The following AGBL1 variants were observed in gnomAD, a reference collection of about 807,000 sequenced individuals.
AGBL1 encodes the protein cytosolic carboxypeptidase 4.
AGBL1 carries 130 observed loss-of-function variants against 118.9 expected under a neutral mutation model. That is an observed-to-expected ratio of 1.09 (90% CI 0.95 to 1.26). AGBL1 has a LOEUF of 1.26. AGBL1 is among the 50% of genes most tolerant of loss of function. The pLI is 0.00. For synonymous variants in AGBL1, 555 were observed against 478.9 expected, an observed-to-expected ratio of 1.16 and a Z score of -2.08; for missense variants, 1,584 against 1,298.1, an observed-to-expected ratio of 1.22 and a Z score of -3.38.
intron 24 of AGBL1, among the ~76,000 whole-genome samples, chr15:87,014,079 ATTTC>A: frequency 6.6e-6 from 1 of 152,300 alleles, no homozygotes; most frequent in South Asian, 2.1e-4. Context: ...GACACTTATT[ATTTC>A]TTGTATTAAT....
chr15:86,264,433 C>T lies in AGBL1; in HGVS notation c.1262C>T (p.Thr421Met), dbSNP rs370356818. Residue 421 changes from threonine to methionine, a missense_variant, in exon 11 of 23, where the codon ACG becomes ATG. Physicochemically the swap from Thr to Met is moderately conservative, Grantham distance 81. Transcript: ENST00000614907. ...VQTSLLCRVK[T>M]GRSTVHLGSK... is the part of the protein sequence containing the mutation. ...ACTTCCCTTCTGTGCAGGGTGAAGA[C>T]GGGAAGGTCCACTGTGCATCTAGGC... 3.4e-5 allele frequency: 55 copies of T among 1,613,818 alleles called. No individual in the cohort carries two copies. The South Asian group carries it at 4.7e-4, about 14-fold the overall frequency.
At chr15:86,591,248 A>G (rs1210416931) in intron 21 of AGBL1, among the ~76,000 whole-genome samples, 1 of 152,216 alleles carries the variant, frequency 6.6e-6, no homozygotes, top group Non-Finnish European at 1.5e-5. Flanking sequence ...CCAACACAAC[A>G]ATCAATGCAA....
chr15:86,369,209 A>G (rs1024785919), intron 17 of AGBL1, among the ~76,000 whole-genome samples: 8 of 152,220 alleles, frequency 5.3e-5, no homozygotes, highest in Non-Finnish European at 1.5e-5. Flanking sequence ...ATGAGAAATT[A>G]CAGAAAGGAC....
chr15:86,331,862 A>G (rs545909843), intron 17 of AGBL1, among the ~76,000 whole-genome samples: 14 of 152,364 alleles, frequency 9.2e-5, no homozygotes, highest in Middle Eastern at 3.4e-3. Flanking sequence ...ACATAGCCCA[A>G]AGACCCTATA....
intron 9 of AGBL1, among the ~76,000 whole-genome samples, chr15:86,259,953 G>A (rs1475431503): frequency 2.6e-5 from 4 of 152,256 alleles, no homozygotes; most frequent in African/African-American, 9.6e-5. Context: ...TGCAGAGGAT[G>A]GAGGGGTGGG....
chr15:86,115,435 T>C (rs1482336118), intron 1 of AGBL1, among the ~76,000 whole-genome samples: 1 of 152,222 alleles, frequency 6.6e-6, no homozygotes, highest in Non-Finnish European at 1.5e-5. Context: ...AAAAAAATTA[T>C]CTGTTCTCTG....
chr15:86,972,909 A>G (rs762314463), intron 23 of AGBL1, among the ~76,000 whole-genome samples: 1 of 152,038 alleles, frequency 6.6e-6, no homozygotes, highest in East Asian at 1.9e-4. Flanking sequence ...CTTCACCCAG[A>G]ATCAAATTTC....
chr15:86,283,278 A>G (rs1268842490), intron 16 of AGBL1, among the ~76,000 whole-genome samples: 2 of 152,260 alleles, frequency 1.3e-5, no homozygotes, highest in East Asian at 3.9e-4. Flanking sequence ...TTTCTGATGA[A>G]TATTTTAGGA....
At chr15:86,383,247 T>C (rs1164702328) in intron 17 of AGBL1, among the ~76,000 whole-genome samples, 1 of 54,478 alleles carries the variant, frequency 1.8e-5, no homozygotes. Context: ...ATTCAGTATG[T>C]AAAAAAAAAA....
chr15:86,579,575 G>A (rs1409404114), intron 21 of AGBL1, among the ~76,000 whole-genome samples: 1 of 152,150 alleles, frequency 6.6e-6, no homozygotes, highest in African/African-American at 2.4e-5. Flanking sequence ...AATTGTAGCA[G>A]AAGTAAGCAA....
In AGBL1 at chr15:86,474,063, G is replaced by C. The variant is rs191616082; in HGVS notation, c.2556-48747G>C. ...TAATGAGTAGATTTTGGCTGATTTTGACACACACAAAAAATGAGTAACTAG... is the reference window on the plus strand; with the variant it reads ...TAATGAGTAGATTTTGGCTGATTTTCACACACACAAAAAATGAGTAACTAG... On this transcript the variant is annotated intron_variant, in intron 18 of 22. Coordinates refer to ENST00000614907, the MANE Select transcript of AGBL1 (RefSeq NM_001386094.1). 4.1e-3 allele frequency among the ~76,000 whole-genome samples: 619 copies of C among 152,188 alleles called. 21 individuals carry two copies. Among genetic ancestry groups the C allele is most frequent in the Non-Finnish European group, 9.6e-4 (65 of 67,992 alleles).
chr15:86,285,016 A>G (rs1217907241), intron 16 of AGBL1, among the ~76,000 whole-genome samples: 3 of 152,134 alleles, frequency 2.0e-5, no homozygotes, highest in Non-Finnish European at 2.9e-5. Flanking sequence ...AATTACAGTC[A>G]GTTGGCACAT....
intron 22 of AGBL1, among the ~76,000 whole-genome samples, chr15:86,809,115 A>T (rs79571415): frequency 2.6e-5 from 4 of 152,162 alleles, no homozygotes; most frequent in Admixed American, 2.6e-4. Context: ...GATTAGAAAA[A>T]TATAACAGAC....
intron 22 of AGBL1, among the ~76,000 whole-genome samples, chr15:86,830,574 A>C (rs185237270): frequency 6.6e-6 from 1 of 152,206 alleles, no homozygotes; most frequent in East Asian, 1.9e-4. Flanking sequence ...GGCTACACAA[A>C]AACTCAACAG....
chr15:86,461,964 C>CT (rs1459785606), intron 18 of AGBL1, among the ~76,000 whole-genome samples: 1 of 152,208 alleles, frequency 6.6e-6, no homozygotes, highest in East Asian at 1.9e-4. Context: ...CATACAACCC[C>CT]TCCCTGCCTC....
intron 21 of AGBL1, among the ~76,000 whole-genome samples, chr15:86,620,913 T>G (rs2084793512): frequency 6.6e-6 from 1 of 151,958 alleles, no homozygotes. Flanking sequence ...GCTTTGAATA[T>G]TTCTCTTCAA....
chr15:86,896,506 C>T (rs1478968972), intron 22 of AGBL1, among the ~76,000 whole-genome samples: 4 of 152,036 alleles, frequency 2.6e-5, no homozygotes, highest in Non-Finnish European at 5.9e-5. Flanking sequence ...TAATTGTGAA[C>T]TCTACATCTG....
At chr15:87,007,378 G>C (rs2081515663) in intron 24 of AGBL1, among the ~76,000 whole-genome samples, 1 of 152,096 alleles carries the variant, frequency 6.6e-6, no homozygotes, top group Admixed American at 6.5e-5. Context: ...ATTGCTTTTA[G>C]CTAAACTATT....
chr15:86,592,073 A>C (rs2084344655), intron 21 of AGBL1, among the ~76,000 whole-genome samples: 1 of 152,220 alleles, frequency 6.6e-6, no homozygotes, highest in Admixed American at 6.5e-5. Flanking sequence ...ATCAGGAGGT[A>C]CATAGTGTTG....
Sources: gnomAD v4.1 joint callset for allele counts (sites outside exome capture counted in the v4.1 genomes callset) on GRCh38, gnomAD v4.1.1 for gene constraint, MANE v1.5 for transcripts, NCBI Gene and HGNC (gene_info 2026-07-23, HGNC 2026-07-21) for gene names.